Variants in KCTD13 observed in about 807,000 individuals in gnomAD.
KCTD13 encodes the protein BTB/POZ domain-containing adapter for CUL3-mediated RhoA degradation protein 1.
KCTD13 carries 15 observed loss-of-function variants against 32.3 expected under a neutral mutation model. The observed-to-expected ratio is 0.46, with a 90% confidence interval of 0.31 to 0.71. KCTD13 has a LOEUF of 0.71. KCTD13 is among the 30% of genes least tolerant of loss of function. The pLI, the probability that KCTD13 is intolerant of heterozygous loss-of-function variation, is 0.05. For synonymous variants in KCTD13, 189 were observed against 200.1 expected, an observed-to-expected ratio of 0.94 and a Z score of 0.47; for missense variants, 337 against 452.6, an observed-to-expected ratio of 0.74 and a Z score of 2.32.
intron 2 of KCTD13, among the ~76,000 whole-genome samples, chr16:29,918,138 G>C (rs751180689): frequency 2.6e-5 from 4 of 152,240 alleles, no homozygotes; most frequent in Non-Finnish European, 5.9e-5. Context: ...ATGTTGAAGA[G>C]AAAAGACTTA....
chr16:29,907,883 A>C (rs975770685), intron 5 of KCTD13, among the ~76,000 whole-genome samples: 1 of 152,050 alleles, frequency 6.6e-6, no homozygotes, highest in African/African-American at 2.4e-5. Flanking sequence ...CCTGACTGTA[A>C]TCCCAGCACA....
Position 29,906,623 on chromosome 16 carries a change from C to T in KCTD13, c.*249G>A, listed in dbSNP as rs1420912393. On this transcript the variant is annotated 3_prime_UTR_variant, in exon 6 of 6. Transcript: ENST00000568000. ...TCTTAACCAGCTGGAGAGGGAAGGA[C>T]GCAGGGCCAGGGTGGGGACAAGTGT... 11 of 659,860 alleles carry T rather than the reference C, an allele frequency of 1.7e-5. No individual in the cohort carries two copies. The highest frequency in any genetic ancestry group is 2.4e-4 in the Middle Eastern group (1 of 4,170). The allele number at this position is 659,860 out of a possible 1,614,324, so 40.9% of individuals were successfully genotyped here.
chr16:29,909,532 C>G (rs963499752), intron 5 of KCTD13, among the ~76,000 whole-genome samples: 1 of 152,044 alleles, frequency 6.6e-6, no homozygotes, highest in East Asian at 1.9e-4. Context: ...ATTTCCAGCC[C>G]GGTACAGTAC....
intron 2 of KCTD13, among the ~76,000 whole-genome samples, chr16:29,916,910 T>C (rs1423503402): frequency 1.3e-5 from 2 of 152,166 alleles, no homozygotes; most frequent in Non-Finnish European, 2.9e-5. Flanking sequence ...GAGTCTGTGC[T>C]TGCTGTCGGC....
intron 4 of KCTD13, 66 bp downstream of exon 4, chr16:29,911,749 T>C (rs1597015271): frequency 6.3e-7 from 1 of 1,576,350 alleles, no homozygotes; most frequent in South Asian, 1.1e-5. Flanking sequence ...GGCCCTCGCC[T>C]TGGGCAGAAG....
chr16:29,907,827 T>G (rs1260020395), intron 5 of KCTD13, among the ~76,000 whole-genome samples: 1 of 151,156 alleles, frequency 6.6e-6, no homozygotes, highest in Non-Finnish European at 1.5e-5. Flanking sequence ...ATAAATGCAG[T>G]CAAATGATGA....
At chr16:29,912,275 G>A (rs1197764047) in intron 2 of KCTD13, 2 of 577,038 alleles carry the variant, frequency 3.5e-6, no homozygotes, top group Non-Finnish European at 6.0e-6. Flanking sequence ...GCCTGCCCCG[G>A]CCACTGGCTG....
At position 29,925,921 on chromosome 16, in the gene KCTD13, G is replaced by A. The variant is rs763964619; in HGVS notation, c.113C>T (p.Pro38Leu). 2 of 1,614,052 alleles carry A rather than the reference G, an allele frequency of 1.2e-6. No individual in the cohort carries two copies. The highest frequency in any genetic ancestry group is 1.3e-5 in the African/African-American group (1 of 75,034). ...GTTCAGCTTCACGTATTTGCTGTTC[G>A]GGGTCAGCGGCTTGAGACCGTAGGC... ...PAAYGLKPLT[P>L]NSKYVKLNVG... Residue 38 changes from proline to leucine, a missense_variant, in exon 1 of 6, where the codon CCG becomes CTG. By Grantham distance (98) the Pro-to-Leu change is moderately conservative (BLOSUM62 -3). Coordinates refer to ENST00000568000, the MANE Select transcript of KCTD13 (RefSeq NM_178863.5).
rs1212609421 is a variant in KCTD13 at position 29,926,009 on chromosome 16, C to G, written c.25G>C (p.Ala9Pro). Residue 9 changes from alanine to proline, a missense_variant, in exon 1 of 6, where the codon GCT becomes CCT. Ala to Pro is a conservative substitution (Grantham distance 27, BLOSUM62 -1). This residue lies in a region of KCTD13 where 64 missense variants were observed against 59.6 expected (regional missense o/e 1.07). Transcript: ENST00000568000. ...TCCAGGGACGGGGCCGCGGCGGCAG[C>G]CGGGCCCGAGGCCTCCGCCGACATG... MSAEASGP[A>P]AAAAPSLEAP... 1 of 1,572,982 alleles carries G rather than the reference C, an allele frequency of 6.4e-7. No individual in the cohort carries two copies. Among genetic ancestry groups the G allele is most frequent in the Non-Finnish European group, 8.6e-7 (1 of 1,162,326 alleles).
chr16:29,922,173 A>T (rs914731776), intron 2 of KCTD13: 1 of 152,204 alleles, frequency 6.6e-6, no homozygotes, highest in Non-Finnish European at 1.5e-5. Context: ...TATAATGAGT[A>T]CTAAAATGCA....
intron 2 of KCTD13, among the ~76,000 whole-genome samples, chr16:29,912,792 G>A (rs1046755260): frequency 1.3e-5 from 2 of 152,200 alleles, no homozygotes; most frequent in Non-Finnish European, 2.9e-5. Context: ...CTAACTTTTT[G>A]TATTTGTTTA....
chr16:29,906,942 CTGCGGACACGG>C lies in KCTD13; in HGVS notation c.909_919del (p.His303GlnfsTer115), dbSNP rs1034910953. 21 of 1,614,038 alleles carry C rather than the reference CTGCGGACACGG, an allele frequency of 1.3e-5. No homozygotes were observed. Among genetic ancestry groups the C allele is most frequent in the Non-Finnish European group, 1.7e-5 (20 of 1,180,036 alleles). On this transcript the variant is annotated frameshift_variant, in exon 6 of 6. Coordinates refer to ENST00000568000, the MANE Select transcript of KCTD13 (RefSeq NM_178863.5). LOFTEE classifies it high-confidence loss of function. ...GGTGATATGGCGCCGGACATGGATC[CTGCGGACACGG>C]TGCTCTCGGTTCTCTTCATCCTCCC...
At chr16:29,925,073 C>T (rs1399489999) in intron 1 of KCTD13, among the ~76,000 whole-genome samples, 2 of 152,126 alleles carry the variant, frequency 1.3e-5, no homozygotes, top group African/African-American at 4.8e-5. Context: ...TTTTTATTCT[C>T]CTGCTCTCAC....
At chr16:29,924,361 G>C (rs991237786) in intron 1 of KCTD13, among the ~76,000 whole-genome samples, 6 of 152,106 alleles carry the variant, frequency 3.9e-5, no homozygotes, top group African/African-American at 1.2e-4. Flanking sequence ...CTGGTCTACA[G>C]TCAGAAGGCT....
chr16:29,907,077 T>C lies in KCTD13; in HGVS notation c.785A>G (p.Glu262Gly). 6.2e-7 allele frequency: 1 copy of C among 1,610,580 alleles called. No individual in the cohort carries two copies. Among genetic ancestry groups the C allele is most frequent in the Non-Finnish European group, 8.5e-7 (1 of 1,177,228 alleles). Reference protein sequence around the residue: ...VEFPEARIFEETLNILIYETP... With the variant: ...VEFPEARIFEGTLNILIYETP... ...CTCGTAGATGAGGATGTTCAGGGTC[T>C]CCTCGAAGATCCGGGCCTCTGGAAA... The change falls in exon 6 of 6, where the codon GAG (glutamate) becomes GGG (glycine). Residue 262 changes from glutamate (E) to glycine (G), a missense_variant. Transcript: ENST00000568000.
chr16:29,923,224 T>C lies in KCTD13; in HGVS notation c.380A>G (p.Gln127Arg), dbSNP rs1191543589. The C allele has an allele frequency of 2.5e-6, 4 of 1,614,110 alleles. No individual in the cohort carries two copies. The highest frequency in any genetic ancestry group is 2.5e-6 in the Non-Finnish European group (3 of 1,180,036). ...CAGCTGGCAGTCCTCAATCAGGCCC[T>C]GCACCAGGTAGTAGCGTGCTTCGCC... Reference protein sequence around the residue: ...LLGEARYYLVQGLIEDCQLAL... With the variant: ...LLGEARYYLVRGLIEDCQLAL... The change falls in exon 2 of 6, where the codon CAG (glutamine) becomes CGG (arginine). Residue 127 changes from glutamine (Q) to arginine (R), a missense_variant. Gln to Arg is a conservative substitution (Grantham distance 43, BLOSUM62 1). This residue lies in a region of KCTD13 where 252 missense variants were observed against 340.2 expected (regional missense o/e 0.74). Transcript: ENST00000568000.
At chr16:29,910,112 A>T (rs949740890) in intron 5 of KCTD13, among the ~76,000 whole-genome samples, 1 of 151,128 alleles carries the variant, frequency 6.6e-6, no homozygotes, top group Admixed American at 6.6e-5. Context: ...AAAAAAAAAA[A>T]AAATAGGCTG....
intron 2 of KCTD13, 199 bp downstream of exon 2, chr16:29,922,991 A>C (rs1312605110): frequency 3.5e-6 from 2 of 572,174 alleles, no homozygotes; most frequent in African/African-American, 1.9e-5. Flanking sequence ...ACCATTGCAA[A>C]GGTCCTGGCA....
chr16:29,923,070 G>T, intron 2 of KCTD13, 120 bp downstream of exon 2: 1 of 1,136,298 alleles, frequency 8.8e-7, no homozygotes, highest in Non-Finnish European at 1.2e-6. Flanking sequence ...ATTCTCTGGG[G>T]TTATGGCCAG....
Sources: gnomAD v4.1 joint callset for allele counts (sites outside exome capture counted in the v4.1 genomes callset) on GRCh38, gnomAD v4.1.1 for gene constraint, gnomAD v4.1.1 regional missense constraint, MANE v1.5 for transcripts, NCBI Gene and HGNC (gene_info 2026-07-23, HGNC 2026-07-21) for gene names.